The following ENTPD1 variants were observed in gnomAD, a reference collection of about 807,000 sequenced individuals.
ENTPD1 encodes ATP diphosphohydrolase.
ENTPD1 carries 33 observed loss-of-function variants against 57.0 expected under a neutral mutation model. The observed-to-expected ratio is 0.58, with a 90% CI of 0.44 to 0.77. The LOEUF (loss-of-function observed/expected upper bound fraction) is 0.77. Among genes scored for constraint, ENTPD1 ranks in the 30% least tolerant of loss-of-function variants. The pLI, the probability that ENTPD1 is intolerant of heterozygous loss-of-function variation, is 0.00. For missense variants in ENTPD1, 501 were observed against 603.4 expected, an observed-to-expected ratio of 0.83 and a Z score of 1.78; for synonymous variants, 202 against 218.8, an observed-to-expected ratio of 0.92 and a Z score of 0.68.
chr10:95,843,591 A>C (rs946531653), intron 4 of ENTPD1, among the ~76,000 whole-genome samples: 8 of 152,318 alleles, frequency 5.3e-5, no homozygotes, highest in African/African-American at 1.9e-4. Flanking sequence ...TGGGATTCTG[A>C]AAAGGAAGGG....
chr10:95,695,548 A>G, the ENTPD1 span, among the ~76,000 whole-genome samples: 1 of 152,230 alleles, frequency 6.6e-6, no homozygotes, highest in African/African-American at 2.4e-5. Context: ...GTCAGTAGCT[A>G]AAAGTCTCTC....
chr10:95,714,854 A>G (rs2097969773), intron 1 of ENTPD1, among the ~76,000 whole-genome samples: 1 of 152,200 alleles, frequency 6.6e-6, no homozygotes. Context: ...ATTAGCCCAC[A>G]TATTATCAAA....
chr10:95,716,523 G>A (rs2097971762), intron 1 of ENTPD1, among the ~76,000 whole-genome samples: 1 of 152,210 alleles, frequency 6.6e-6, no homozygotes. Flanking sequence ...ATGCCATATT[G>A]TGGGAGTGAG....
At chr10:95,854,763 T>C (rs1298730778) in intron 7 of ENTPD1, among the ~76,000 whole-genome samples, 1 of 152,240 alleles carries the variant, frequency 6.6e-6, no homozygotes, top group Non-Finnish European at 1.5e-5. Flanking sequence ...TTCTTAATCC[T>C]GAGTTCTAGT....
intron 1 of ENTPD1, among the ~76,000 whole-genome samples, chr10:95,813,696 G>A (rs1474214855): frequency 6.6e-6 from 1 of 152,166 alleles, no homozygotes; most frequent in Admixed American, 6.5e-5. Context: ...AGATGGTCTG[G>A]TCAGTTGGGG....
At chr10:95,857,769 A>T (rs1327772572) in intron 7 of ENTPD1, among the ~76,000 whole-genome samples, 1 of 152,228 alleles carries the variant, frequency 6.6e-6, no homozygotes, top group Non-Finnish European at 1.5e-5. Context: ...AGAACAAGGG[A>T]AATTCCGCGC....
At chr10:95,823,141 T>A (rs538101131) in intron 1 of ENTPD1, 96 bp from the exon 2 acceptor site, 4 of 1,459,818 alleles carry the variant, frequency 2.7e-6, no homozygotes, top group Non-Finnish European at 3.8e-6. Context: ...GTCTCTGATG[T>A]CTCCAGGTAG....
At chr10:95,708,924 C>G (rs2097963569), upstream of ENTPD1, among the ~76,000 whole-genome samples, 2 of 152,174 alleles carry the variant, frequency 1.3e-5, no homozygotes, top group South Asian at 4.1e-4. Flanking sequence ...AGCAAAAGAA[C>G]AGCGGTGAGA....
At chr10:95,694,918 T>TTTTGG in the ENTPD1 span, among the ~76,000 whole-genome samples, 1 of 149,094 alleles carries the variant, frequency 6.7e-6, no homozygotes, top group Non-Finnish European at 1.5e-5. Flanking sequence ...TTTTTTTTTT[T>TTTTGG]GAGACGGTGT....
At chr10:95,802,708 T>A (rs2098255116) in intron 1 of ENTPD1, among the ~76,000 whole-genome samples, 1 of 152,154 alleles carries the variant, frequency 6.6e-6, no homozygotes, top group African/African-American at 2.4e-5. Flanking sequence ...ACATGTGGTG[T>A]TTGGTTTTTT....
In ENTPD1 at chr10:95,860,465, G is replaced by C. The variant is rs745524808; in HGVS notation, c.1075-4G>C. ...CAGCCTAAAACTGCGATTTTCTCTTGTAGGCATTTTCAGCTTTTTACTTTG... is the reference window on the plus strand; with the variant it reads ...CAGCCTAAAACTGCGATTTTCTCTTCTAGGCATTTTCAGCTTTTTACTTTG... On this transcript the variant is annotated splice_polypyrimidine_tract_variant and splice_region_variant and intron_variant, in intron 7 of 9. Transcript: ENST00000371205. 11 of 1,611,270 alleles carry C rather than the reference G, an allele frequency of 6.8e-6. No individual in the cohort carries two copies. Among genetic ancestry groups the C allele is most frequent in the Non-Finnish European group, 9.3e-6 (11 of 1,178,300 alleles).
intron 1 of ENTPD1, among the ~76,000 whole-genome samples, chr10:95,777,601 A>G (rs1167506865): frequency 3.9e-5 from 6 of 152,208 alleles, no homozygotes; most frequent in Non-Finnish European, 8.8e-5. Flanking sequence ...GTTAGGCTAC[A>G]TGGGGGTCAG....
At chr10:95,701,494 A>T in the ENTPD1 span, among the ~76,000 whole-genome samples, 1 of 152,186 alleles carries the variant, frequency 6.6e-6, no homozygotes, top group African/African-American at 2.4e-5. Flanking sequence ...AGAGTAAAAG[A>T]TTTTTATCAT....
chr10:95,725,629 A>G (rs540279759), intron 1 of ENTPD1, among the ~76,000 whole-genome samples: 18 of 152,094 alleles, frequency 1.2e-4, no homozygotes, highest in Non-Finnish European at 2.2e-4. Context: ...AGTTTAGTGG[A>G]CAGCCTACAC....
chr10:95,746,116 T>G (rs1006796432), intron 1 of ENTPD1, among the ~76,000 whole-genome samples: 1 of 152,224 alleles, frequency 6.6e-6, no homozygotes, highest in Non-Finnish European at 1.5e-5. Flanking sequence ...GTTAGGTTAC[T>G]TCTGAAAAAT....
At chr10:95,726,922 C>T (rs778355365) in intron 1 of ENTPD1, among the ~76,000 whole-genome samples, 2 of 152,130 alleles carry the variant, frequency 1.3e-5, no homozygotes, top group African/African-American at 2.4e-5. Flanking sequence ...AGAGAAGTGG[C>T]ACCACCTTCA....
chr10:95,773,915 T>G (rs2098124403), intron 1 of ENTPD1, among the ~76,000 whole-genome samples: 1 of 152,226 alleles, frequency 6.6e-6, no homozygotes, highest in Admixed American at 6.5e-5. Flanking sequence ...CCACACTGTC[T>G]TCCACAATGG....
rs750571264 is a variant in ENTPD1 at position 95,866,267 on chromosome 10, T to C, written c.1417T>C (p.Ser473Pro). 9 of 1,614,074 alleles carry C rather than the reference T, an allele frequency of 5.6e-6. No individual in the cohort carries two copies. In the African/African-American group the frequency reaches 8.0e-5, roughly 14 times the overall value. The change falls in exon 10 of 10, where the codon TCC becomes CCC. Residue 473 changes from serine (S) to proline (P), a missense_variant. Physicochemically the swap from Ser to Pro is moderately conservative, Grantham distance 74. Transcript: ENST00000371205. ...TGAGCAACCATTGTCCACACCTCTC[T>C]CCCACTCCACCTATGTCTTCCTCAT... ...PAEQPLSTPL[S>P]HSTYVFLMVL...
chr10:95,705,248 T>C, the ENTPD1 span, among the ~76,000 whole-genome samples: 1 of 151,256 alleles, frequency 6.6e-6, no homozygotes, highest in Non-Finnish European at 1.5e-5. Context: ...CAGCAAAATA[T>C]ACACTTTTAG....
Sources: gnomAD v4.1 joint callset for allele counts (sites outside exome capture counted in the v4.1 genomes callset) on GRCh38, gnomAD v4.1.1 for gene constraint, MANE v1.5 for transcripts, NCBI Gene and HGNC (gene_info 2026-07-23, HGNC 2026-07-21) for gene names.